The following SLC24A2 variants were observed in gnomAD, a reference collection of about 807,000 sequenced individuals.
SLC24A2 encodes sodium/potassium/calcium exchanger 2.
A neutral mutation model predicts 62.0 loss-of-function variants in SLC24A2; 36 were observed. The observed-to-expected ratio is 0.58, with a 90% CI of 0.44 to 0.77. SLC24A2 has a LOEUF of 0.77. Ranked by LOEUF, SLC24A2 falls within the 30% of genes least tolerant of loss-of-function variation. SLC24A2 has a pLI of 0.00. For synonymous variants in SLC24A2, 358 were observed against 294.0 expected, an observed-to-expected ratio of 1.22 and a Z score of -2.23; for missense variants, 846 against 817.9, an observed-to-expected ratio of 1.03 and a Z score of -0.42.
chr9:19,608,524 G>A (rs1198190018), intron 4 of SLC24A2, among the ~76,000 whole-genome samples: 1 of 152,172 alleles, frequency 6.6e-6, no homozygotes, highest in Non-Finnish European at 1.5e-5. Flanking sequence ...TGTGAGTGAA[G>A]TCTCCAGGCT....
chr9:19,961,146 AG>A, the SLC24A2 span, among the ~76,000 whole-genome samples: 2 of 149,888 alleles, frequency 1.3e-5, no homozygotes, highest in Admixed American at 1.3e-4. Context: ...AAGGGGAGAG[AG>A]AGAGAGAGAG....
chr9:19,963,013 A>G, the SLC24A2 span, among the ~76,000 whole-genome samples: 2 of 152,086 alleles, frequency 1.3e-5, no homozygotes. Flanking sequence ...GATAGCTCTT[A>G]TTATTTTGAG....
At chr9:19,826,390 C>G in the SLC24A2 span, among the ~76,000 whole-genome samples, 12 of 152,194 alleles carry the variant, frequency 7.9e-5, no homozygotes, top group South Asian at 2.5e-3. Flanking sequence ...GCAAGATCTT[C>G]TGGGACTTGA....
chr9:20,083,422 A>G, the SLC24A2 span, among the ~76,000 whole-genome samples: 42 of 152,346 alleles, frequency 2.8e-4, no homozygotes, highest in East Asian at 6.9e-3. Flanking sequence ...AAAGGTGGAA[A>G]TAAGTGAGAG....
intron 2 of SLC24A2, among the ~76,000 whole-genome samples, chr9:19,771,459 A>C (rs967830954): frequency 1.3e-5 from 2 of 152,254 alleles, no homozygotes; most frequent in Admixed American, 6.5e-5. Context: ...CTTAAAATAA[A>C]AGGCAGCAGA....
At chr9:20,069,583 C>G in the SLC24A2 span, among the ~76,000 whole-genome samples, 1 of 152,222 alleles carries the variant, frequency 6.6e-6, no homozygotes, top group East Asian at 1.9e-4. Context: ...TCACAATTCT[C>G]TTTCCCTCCG....
At chr9:20,238,066 G>C in the SLC24A2 span, among the ~76,000 whole-genome samples, 1 of 152,140 alleles carries the variant, frequency 6.6e-6, no homozygotes, top group Non-Finnish European at 1.5e-5. Flanking sequence ...AAGGACCCTT[G>C]GGCTGGAAAC....
the SLC24A2 span, among the ~76,000 whole-genome samples, chr9:20,031,554 G>A: frequency 6.6e-6 from 1 of 152,150 alleles, no homozygotes; most frequent in South Asian, 2.1e-4. Flanking sequence ...ATAATTGTGA[G>A]AGAAGGATGT....
intron 2 of SLC24A2, among the ~76,000 whole-genome samples, chr9:19,784,034 T>C (rs889725135): frequency 6.6e-6 from 1 of 152,200 alleles, no homozygotes; most frequent in African/African-American, 2.4e-5. Context: ...CACACAATAT[T>C]AAGTATAGCA....
chr9:19,876,216 G>A, the SLC24A2 span, among the ~76,000 whole-genome samples: 1 of 152,260 alleles, frequency 6.6e-6, no homozygotes, highest in South Asian at 2.1e-4. Context: ...GTGGCCACAA[G>A]GGCATGTTCA....
intron 2 of SLC24A2, among the ~76,000 whole-genome samples, chr9:19,712,155 A>G (rs1489098602): frequency 6.6e-6 from 1 of 152,216 alleles, no homozygotes; most frequent in Non-Finnish European, 1.5e-5. Context: ...CCAGAGACTG[A>G]GGTCAGTCAG....
At chr9:19,708,562 A>T (rs958595630) in intron 2 of SLC24A2, among the ~76,000 whole-genome samples, 2 of 152,250 alleles carry the variant, frequency 1.3e-5, no homozygotes, top group Non-Finnish European at 1.5e-5. Flanking sequence ...ACAGAGATAT[A>T]GACCAATGGA....
the SLC24A2 span, among the ~76,000 whole-genome samples, chr9:20,097,936 G>A: frequency 6.6e-6 from 1 of 151,492 alleles, no homozygotes; most frequent in Non-Finnish European, 1.5e-5. Context: ...TAGAGACGGG[G>A]TTTCACCATG....
chr9:20,061,529 C>G, the SLC24A2 span, among the ~76,000 whole-genome samples: 21 of 152,188 alleles, frequency 1.4e-4, no homozygotes, highest in East Asian at 3.3e-3. Flanking sequence ...TCAAATGATC[C>G]ACCTGCCTCA....
chr9:20,145,870 CTATA>C, the SLC24A2 span, among the ~76,000 whole-genome samples: 5 of 151,498 alleles, frequency 3.3e-5, no homozygotes, highest in Non-Finnish European at 7.4e-5. Context: ...TGGGATTCTG[CTATA>C]TATATAGATA....
At chr9:19,777,314 C>T (rs973510666) in intron 2 of SLC24A2, among the ~76,000 whole-genome samples, 11 of 152,148 alleles carry the variant, frequency 7.2e-5, no homozygotes, top group Non-Finnish European at 1.3e-4. Flanking sequence ...TAAAATGCTA[C>T]GTTTCATCTA....
chr9:19,657,938 C>G (rs1818988252), intron 2 of SLC24A2, among the ~76,000 whole-genome samples: 1 of 152,098 alleles, frequency 6.6e-6, no homozygotes, highest in Admixed American at 6.6e-5. Context: ...CTATGTTGCC[C>G]AGGCTGGAGA....
intron 8 of SLC24A2, among the ~76,000 whole-genome samples, chr9:19,549,154 G>C (rs925577898): frequency 1.3e-5 from 2 of 152,212 alleles, no homozygotes; most frequent in South Asian, 2.1e-4. Context: ...ATCGATTAAA[G>C]TAATGATAGT....
the SLC24A2 span, among the ~76,000 whole-genome samples, chr9:19,902,614 A>G: frequency 1.3e-5 from 2 of 152,196 alleles, no homozygotes; most frequent in South Asian, 4.1e-4. Flanking sequence ...TTTGTATTTA[A>G]TAAAGGCTCA....
Sources: gnomAD v4.1 joint callset for allele counts (sites outside exome capture counted in the v4.1 genomes callset) on GRCh38, gnomAD v4.1.1 for gene constraint, MANE v1.5 for transcripts, NCBI Gene and HGNC (gene_info 2026-07-23, HGNC 2026-07-21) for gene names.